GRID2: variants seen among roughly 807,000 people sequenced by gnomAD.
GRID2 encodes glutamate ionotropic receptor delta type subunit 2, also known as glutamate receptor ionotropic, delta-2.
Under a neutral mutation model 114.8 loss-of-function variants are expected in GRID2, and 33 were observed. The ratio of observed to expected loss-of-function variants is 0.29; its 90% CI spans 0.22 to 0.38. The LOEUF is 0.38. Ranked by LOEUF, GRID2 falls within the 10% of genes least tolerant of loss-of-function variation. GRID2 has a pLI of 1.00. For synonymous variants in GRID2, 505 were observed against 449.9 expected (o/e 1.12, Z -1.55); for missense variants, 1,184 against 1,257.7 (o/e 0.94, Z 0.89).
At chr4:92,557,317 A>C (rs2149178540) in intron 1 of GRID2, among the ~76,000 whole-genome samples, 1 of 151,758 alleles carries the variant, frequency 6.6e-6, no homozygotes, top group South Asian at 2.1e-4. Flanking sequence ...AAAATATTTT[A>C]AATTTTCAAA....
intron 1 of GRID2, among the ~76,000 whole-genome samples, chr4:92,571,350 G>A (rs1390024886): frequency 6.6e-6 from 1 of 152,084 alleles, no homozygotes; most frequent in Non-Finnish European, 1.5e-5. Context: ...AAATATATAT[G>A]CACCCAATAC....
chr4:93,395,266 T>TA (rs969824715), intron 8 of GRID2, among the ~76,000 whole-genome samples: 1 of 151,946 alleles, frequency 6.6e-6, no homozygotes, highest in African/African-American at 2.4e-5. Flanking sequence ...ATTGATATAT[T>TA]AAAAAAGACA....
At chr4:93,381,754 A>G (rs1205837082) in intron 8 of GRID2, among the ~76,000 whole-genome samples, 1 of 152,086 alleles carries the variant, frequency 6.6e-6, no homozygotes, top group Non-Finnish European at 1.5e-5. Context: ...AAAACTAATA[A>G]TTTTTAAATA....
At chr4:93,049,722 AT>A (rs1205477856) in intron 2 of GRID2, among the ~76,000 whole-genome samples, 1 of 151,564 alleles carries the variant, frequency 6.6e-6, no homozygotes, top group South Asian at 2.1e-4. Context: ...TTTTCTTCCA[AT>A]TTTTTTTGCT....
chr4:92,815,154 T>C (rs1292400349), intron 2 of GRID2, among the ~76,000 whole-genome samples: 1 of 152,136 alleles, frequency 6.6e-6, no homozygotes, highest in East Asian at 1.9e-4. Context: ...TTAAAAAATC[T>C]CAAATAAATA....
At chr4:93,628,873 C>T (rs1742983575) in intron 14 of GRID2, among the ~76,000 whole-genome samples, 1 of 150,652 alleles carries the variant, frequency 6.6e-6, no homozygotes, top group Non-Finnish European at 1.5e-5. Context: ...TCAAGTGATT[C>T]TCCTGCCTCA....
chr4:92,623,892 C>T (rs959256758), intron 2 of GRID2, among the ~76,000 whole-genome samples: 1 of 151,556 alleles, frequency 6.6e-6, no homozygotes, highest in Non-Finnish European at 1.5e-5. Flanking sequence ...TCAAAACATG[C>T]TATATAAAAG....
At chr4:92,726,823 C>T (rs371680275) in intron 2 of GRID2, among the ~76,000 whole-genome samples, 5 of 152,116 alleles carry the variant, frequency 3.3e-5, no homozygotes, top group African/African-American at 1.2e-4. Flanking sequence ...TTTGGTGCTC[C>T]TGTCTAGAAT....
chr4:93,802,993 G>A (rs564064092), intron 1 of GRID2, among the ~76,000 whole-genome samples: 1 of 152,290 alleles, frequency 6.6e-6, no homozygotes, highest in East Asian at 1.9e-4. Flanking sequence ...ACTAAGCCAA[G>A]CTCTGCTCCA....
chr4:93,242,788 G>A (rs925892419), intron 8 of GRID2, among the ~76,000 whole-genome samples: 1 of 152,036 alleles, frequency 6.6e-6, no homozygotes, highest in Non-Finnish European at 1.5e-5. Context: ...GAGGGTGGCA[G>A]AGGAGAGCTT....
intron 2 of GRID2, among the ~76,000 whole-genome samples, chr4:92,739,580 T>C (rs896925517): frequency 1.3e-5 from 2 of 152,086 alleles, no homozygotes; most frequent in Admixed American, 6.6e-5. Flanking sequence ...GTGATTTCAG[T>C]GAAGTGTTTT....
chr4:92,310,404 C>G (rs1164443717), intron 1 of GRID2, among the ~76,000 whole-genome samples: 4 of 151,718 alleles, frequency 2.6e-5, no homozygotes, highest in Non-Finnish European at 5.9e-5. Flanking sequence ...TAGATTTTGC[C>G]CTATGCCAAA....
intron 14 of GRID2, among the ~76,000 whole-genome samples, chr4:93,650,386 T>A (rs115954053): frequency 6.1e-4 from 93 of 152,044 alleles, no homozygotes; most frequent in African/African-American, 1.9e-3. Context: ...AGATTTTTTT[T>A]TAAAATACCT....
chr4:92,696,554 A>G (rs1367491236), intron 2 of GRID2, among the ~76,000 whole-genome samples: 1 of 152,104 alleles, frequency 6.6e-6, no homozygotes, highest in East Asian at 1.9e-4. Flanking sequence ...AAGAAAGACA[A>G]AAATCTTTTA....
chr4:92,624,558 T>G (rs987482484), intron 2 of GRID2, among the ~76,000 whole-genome samples: 7 of 151,816 alleles, frequency 4.6e-5, no homozygotes, highest in Admixed American at 4.6e-4. Context: ...TTTTCCAAAT[T>G]AGTTTTGAGG....
chr4:92,645,668 C>T (rs572438664), intron 2 of GRID2, among the ~76,000 whole-genome samples: 4 of 151,692 alleles, frequency 2.6e-5, no homozygotes, highest in Admixed American at 1.3e-4. Flanking sequence ...CTGCTCACTA[C>T]CCCCATGAGC....
chr4:92,835,053 A>C (rs1742361562), intron 2 of GRID2, among the ~76,000 whole-genome samples: 1 of 152,128 alleles, frequency 6.6e-6, no homozygotes, highest in South Asian at 2.1e-4. Flanking sequence ...TACTTTTCTG[A>C]GAACTTATTT....
chr4:93,704,300 A>C (rs1727794087), intron 14 of GRID2, among the ~76,000 whole-genome samples: 4 of 152,290 alleles, frequency 2.6e-5, no homozygotes, highest in African/African-American at 9.6e-5. Flanking sequence ...TCTTCTTTTA[A>C]GAAGTGTCTG....
chr4:93,611,490 G>A (rs1293952832), intron 13 of GRID2, among the ~76,000 whole-genome samples: 87 of 135,618 alleles, frequency 6.4e-4, no homozygotes, highest in African/African-American at 2.3e-3. Flanking sequence ...CTTTGAATGC[G>A]TCCCAGAGAT....
Sources: allele counts gnomAD v4.1 joint callset (sites outside exome capture counted in the v4.1 genomes callset), GRCh38; gene constraint gnomAD v4.1.1; transcripts MANE v1.5; gene names NCBI Gene and HGNC (gene_info 2026-07-23, HGNC 2026-07-21).